The following FBLN1 variants were observed in gnomAD, a reference collection of about 807,000 sequenced individuals.
The protein encoded by FBLN1 is fibulin-1.
Under a neutral mutation model 89.7 loss-of-function variants are expected in FBLN1, and 34 were observed. The ratio of observed to expected loss-of-function variants is 0.38; its 90% CI spans 0.29 to 0.50. FBLN1 has a LOEUF of 0.50. Among genes scored for constraint, FBLN1 ranks in the 20% least tolerant of loss-of-function variants. FBLN1 has a pLI of 0.92. For missense variants in FBLN1, 777 were observed against 988.1 expected (o/e 0.79, Z 2.86); for synonymous variants, 393 against 391.3 (o/e 1.00, Z -0.05).
chr22:45,525,356 A>G (rs1450437613), intron 2 of FBLN1, among the ~76,000 whole-genome samples, 187 bp from the exon 3 acceptor site: 1 of 152,204 alleles, frequency 6.6e-6, no homozygotes, highest in Non-Finnish European at 1.5e-5. Context: ...TGCCCGGCCA[A>G]GCCTTTCTAA....
In FBLN1 at chr22:45,542,292, G is replaced by C; in HGVS notation, c.1195+9G>C. The stretch of plus-strand genomic sequence containing the variant: ...CAGCAGGATGTGTGTCGGTGCGTGG[G>C]GGGCCCCGCAGGCCTCGGGGGAACC... On this transcript the variant is annotated intron_variant, in intron 10 of 16. Coordinates refer to ENST00000327858, the MANE Select transcript of FBLN1 (RefSeq NM_006486.3). The C allele has an allele frequency of 6.2e-7, 1 of 1,613,646 alleles. No individual in the cohort carries two copies. Among genetic ancestry groups the C allele is most frequent in the Non-Finnish European group, 8.5e-7 (1 of 1,180,022 alleles).
chr22:45,599,770 A>T (rs997441544), intron 16 of FBLN1, among the ~76,000 whole-genome samples: 1 of 151,928 alleles, frequency 6.6e-6, no homozygotes, highest in African/African-American at 2.4e-5. Context: ...ATATAAAATG[A>T]GCCAGGCATG....
At chr22:45,511,132 T>C (rs2088094179) in intron 1 of FBLN1, among the ~76,000 whole-genome samples, 1 of 151,396 alleles carries the variant, frequency 6.6e-6, no homozygotes, top group Non-Finnish European at 1.5e-5. Context: ...GCACTTTTCC[T>C]GGATTATCTC....
rs138824187 is a variant in FBLN1, at chr22:45,572,584, G to C, written c.1698-1927G>C. Among the ~76,000 whole-genome samples the C allele has an allele frequency of 6.1e-3, 934 of 152,370 alleles. 9 individuals carry two copies. The highest frequency in any genetic ancestry group is 0.021 in the African/African-American group (871 of 41,592). ...CATGAAGGGAAGCATCTGTTTACAG[G>C]AGTAGTCCAGCTAATAAATGGAAGT... On this transcript the variant is annotated intron_variant, in intron 14 of 16. Coordinates refer to ENST00000327858, the MANE Select transcript of FBLN1 (RefSeq NM_006486.3). This position sits in a 1 kb window ranked among gnomAD's most constrained non-coding sequence, Gnocchi z 5.8.
At chr22:45,540,314 G>C (rs1161052119) in intron 8 of FBLN1, among the ~76,000 whole-genome samples, 1 of 152,210 alleles carries the variant, frequency 6.6e-6, no homozygotes, top group African/African-American at 2.4e-5. Flanking sequence ...CTTGCAGGCT[G>C]GCTGTGGTGC....
Position 45,577,066 on chromosome 22 carries a change from T to A in FBLN1, c.1930T>A (p.Ser644Thr). Residue 644 changes from serine (S) to threonine (T), a missense_variant, in exon 16 of 17, where the codon TCT becomes ACT. Ser to Thr is a moderately conservative substitution (Grantham distance 58). Transcript: ENST00000327858. This position sits in a 1 kb window ranked among gnomAD's most constrained non-coding sequence, Gnocchi z 6.6. Reference protein sequence around the residue: ...FDITEGNLRDSFDIIKRYMDG... With the variant: ...FDITEGNLRDTFDIIKRYMDG... The stretch of plus-strand genomic sequence containing the variant: ...CATCACGGAAGGGAACCTGCGGGAC[T>A]CTTTTGACATCATCAAGCGTTACAT... 6.2e-7 allele frequency: 1 copy of A among 1,614,124 alleles called. No individual in the cohort carries two copies. Among genetic ancestry groups the A allele is most frequent in the Non-Finnish European group, 8.5e-7 (1 of 1,180,018 alleles).
In FBLN1 at chr22:45,531,582, A is replaced by C. The variant is rs1351704355; in HGVS notation, c.544+258A>C. On this transcript the variant is annotated intron_variant, in intron 5 of 16. Transcript: ENST00000327858. This position sits in a 1 kb window ranked among gnomAD's most constrained non-coding sequence, Gnocchi z 4.9. ...GGAATCTCGGTGCTGATCTCACTGG[A>C]AGTTGGAATCCAGGTTTTGCTTTGG... Among the ~76,000 whole-genome samples the C allele has an allele frequency of 6.6e-6, 1 of 152,110 alleles. No individual in the cohort carries two copies. The highest frequency in any genetic ancestry group is 3.2e-3 in the Middle Eastern group (1 of 316).
chr22:45,572,524 A>C lies in FBLN1; in HGVS notation c.1698-1987A>C, dbSNP rs1386985187. Among the ~76,000 whole-genome samples, 5 of 152,232 alleles carry C rather than the reference A, an allele frequency of 3.3e-5. No individual in the cohort carries two copies. The highest frequency in any genetic ancestry group is 1.3e-4 in the Admixed American group (2 of 15,284). ...AATTCAAGGAAACAACCAAGTATTG[A>C]TCTGCTATTTCCTGGTAATTAAATC... On this transcript the variant is annotated intron_variant, in intron 14 of 16. Transcript: ENST00000327858. The surrounding 1 kb of genome is among the most constrained non-coding windows in gnomAD (Gnocchi z 5.8).
At chr22:45,595,000 C>T (rs1020761631) in intron 16 of FBLN1, among the ~76,000 whole-genome samples, 2 of 152,188 alleles carry the variant, frequency 1.3e-5, no homozygotes, top group African/African-American at 4.8e-5. Flanking sequence ...GTGCCAGGAA[C>T]TGAGGACCAG....
intron 6 of FBLN1, among the ~76,000 whole-genome samples, 163 bp from the exon 7 acceptor site, chr22:45,533,598 C>T (rs1285755639): frequency 1.3e-5 from 2 of 152,232 alleles, no homozygotes; most frequent in Non-Finnish European, 2.9e-5. Flanking sequence ...CTGCTTTCGA[C>T]TCCGTGCAGT....
rs1052216580 is a variant in FBLN1, at chr22:45,588,843, A to G, written c.1973-11464A>G. Reference sequence around the variant, plus strand: ...AAAAAAAAAAAGGAATGACGATGATATGAATCTTTTGGCGGCCTCTCCTAA... The same window carrying G: ...AAAAAAAAAAAGGAATGACGATGATGTGAATCTTTTGGCGGCCTCTCCTAA... On this transcript the variant is annotated intron_variant, in intron 16 of 16. Coordinates refer to ENST00000327858, the MANE Select transcript of FBLN1 (RefSeq NM_006486.3). This position sits in a 1 kb window ranked among gnomAD's most constrained non-coding sequence, Gnocchi z 5.1. 1.3e-5 allele frequency among the ~76,000 whole-genome samples: 2 copies of G among 150,212 alleles called. No homozygotes were observed. Among genetic ancestry groups the G allele is most frequent in the African/African-American group, 4.9e-5 (2 of 40,818 alleles).
rs892865464 is a variant in FBLN1, at chr22:45,574,983, C to T, written c.1840+330C>T. Among the ~76,000 whole-genome samples, 6 of 151,950 alleles carry T rather than the reference C, an allele frequency of 3.9e-5. No individual in the cohort carries two copies. The highest frequency in any genetic ancestry group is 1.9e-4 in the East Asian group (1 of 5,166). On this transcript the variant is annotated intron_variant, in intron 15 of 16. Coordinates refer to ENST00000327858, the MANE Select transcript of FBLN1 (RefSeq NM_006486.3). The surrounding 1 kb of genome is among the most constrained non-coding windows in gnomAD (Gnocchi z 4.1). ...ATTTTTAGTAAAGACGGGGTTTCAC[C>T]GTGTTCGCCAGGATGGTCTCAATCT...
Position 45,503,043 on chromosome 22 carries a change from C to A in FBLN1, c.58C>A (p.Leu20Ile). The change falls in exon 1 of 17, where the codon CTT becomes ATT. Residue 20 changes from leucine (L) to isoleucine (I), a missense_variant. Physicochemically the swap from Leu to Ile is conservative, Grantham distance 5. Transcript: ENST00000327858. ...GCTTCCGCTGCTGCTGCTCGGCGGC[C>A]TTGCGCTGCTGGCGGCCGGAGGTAG... ...VPLPLLLLGG[L>I]ALLAAGVDAD... The A allele has an allele frequency of 8.0e-7, 1 of 1,251,406 alleles. No homozygotes were observed. The highest frequency in any genetic ancestry group is 1.0e-6 in the Non-Finnish European group (1 of 998,220). 77.5% of individuals were successfully genotyped at this position (1,251,406 alleles called of 1,614,324 possible).
rs1397068565 is a variant in FBLN1 at position 45,550,646 on chromosome 22, T to C, written c.1697+31T>C. The C allele has an allele frequency of 2.5e-6, 4 of 1,613,842 alleles. No individual in the cohort carries two copies. In the East Asian group the frequency reaches 6.7e-5, roughly 27 times the overall value. ...TCCCTTGGACCATGCCATCGTCGTC[T>C]GTCTGTGTTGGCCTTCCTGGTGACC... On this transcript the variant is annotated intron_variant, in intron 14 of 16. Transcript: ENST00000327858. This position sits in a 1 kb window ranked among gnomAD's most constrained non-coding sequence, Gnocchi z 8.4.
intron 4 of FBLN1, among the ~76,000 whole-genome samples, chr22:45,528,731 AC>A (rs1249348558): frequency 6.6e-6 from 1 of 150,900 alleles, no homozygotes; most frequent in Non-Finnish European, 1.5e-5. Context: ...AGCCCAATTG[AC>A]ACTTACGATG....
intron 14 of FBLN1, among the ~76,000 whole-genome samples, chr22:45,569,288 A>G (rs2088930956): frequency 6.6e-6 from 1 of 152,208 alleles, no homozygotes; most frequent in Non-Finnish European, 1.5e-5. Context: ...CGAGGTAATT[A>G]AGGTAAAAGT....
chr22:45,593,826 C>G (rs950049792), intron 16 of FBLN1, among the ~76,000 whole-genome samples: 2 of 152,190 alleles, frequency 1.3e-5, no homozygotes, highest in African/African-American at 4.8e-5. Context: ...TTTTCTTCTT[C>G]TTCTGCCTTC....
chr22:45,586,926 A>C (rs2089091512), intron 16 of FBLN1, among the ~76,000 whole-genome samples: 1 of 152,066 alleles, frequency 6.6e-6, no homozygotes, highest in Non-Finnish European at 1.5e-5. Flanking sequence ...GGCCATGTGG[A>C]CAGGGTCTAC....
chr22:45,563,007 A>G lies in FBLN1; in HGVS notation c.1698-11504A>G. On this transcript the variant is annotated intron_variant, in intron 14 of 16. Transcript: ENST00000327858. This position sits in a 1 kb window ranked among gnomAD's most constrained non-coding sequence, Gnocchi z 5.7. ...CACCTCTCTTTCCCCACCAACATCC[A>G]AGCGCCCGCGGTGGTTTTCCGCATG... The G allele has an allele frequency of 6.2e-7, 1 of 1,613,234 alleles. No homozygotes were observed. The highest frequency in any genetic ancestry group is 8.5e-7 in the Non-Finnish European group (1 of 1,179,880).
Sources: gnomAD v4.1 joint callset for allele counts (sites outside exome capture counted in the v4.1 genomes callset) on GRCh38, gnomAD v4.1.1 for gene constraint, Gnocchi (gnomAD v3.1) non-coding constraint, MANE v1.5 for transcripts, NCBI Gene and HGNC (gene_info 2026-07-23, HGNC 2026-07-21) for gene names.